PARL: variants seen among roughly 807,000 people sequenced by gnomAD.
The protein encoded by PARL is presenilin associated rhomboid like, also known as presenilin-associated rhomboid-like protein, mitochondrial.
Under a neutral mutation model 51.6 loss-of-function variants are expected in PARL, and 44 were observed. The observed-to-expected ratio is 0.85, with a 90% CI of 0.67 to 1.10. PARL has a LOEUF of 1.10. PARL is among the 50% of genes least tolerant of loss of function. The pLI, the probability that PARL is intolerant of heterozygous loss-of-function variation, is 0.00. For missense variants in PARL, 441 were observed against 469.5 expected, an observed-to-expected ratio of 0.94 and a Z score of 0.56; for synonymous variants, 172 against 164.0, an observed-to-expected ratio of 1.05 and a Z score of -0.37.
chr3:183,867,669 C>T (rs1446320842), intron 2 of PARL, among the ~76,000 whole-genome samples, 196 bp downstream of exon 2: 1 of 149,418 alleles, frequency 6.7e-6, no homozygotes, highest in Non-Finnish European at 1.5e-5. Flanking sequence ...CACTGCACTC[C>T]AACCTGGGCG....
Position 183,867,957 on chromosome 3 carries a change from T to C in PARL, c.229A>G (p.Ser77Gly). The change falls in exon 2 of 10, where the codon AGT becomes GGT. Residue 77 changes from serine (S) to glycine (G), a missense_variant. By Grantham distance (56) the Ser-to-Gly change is moderately conservative (BLOSUM62 0). Coordinates refer to ENST00000317096, the MANE Select transcript of PARL (RefSeq NM_018622.7). Reference sequence around the variant, plus strand: ...TCTTCCACAGGAGGAATCAAAGCACTTCTCTTGTATGCTTCACCACTTGTC... The same window carrying C: ...TCTTCCACAGGAGGAATCAAAGCACCTCTCTTGTATGCTTCACCACTTGTC... ...PGTSGEAYKRSALIPPVEETV... is the reference protein window; with the variant it reads ...PGTSGEAYKRGALIPPVEETV... 6.2e-7 allele frequency: 1 copy of C among 1,613,888 alleles called. No individual in the cohort carries two copies. Among genetic ancestry groups the C allele is most frequent in the Non-Finnish European group, 8.5e-7 (1 of 1,179,760 alleles).
chr3:183,851,774 T>C (rs556757323), intron 4 of PARL, among the ~76,000 whole-genome samples: 4 of 152,124 alleles, frequency 2.6e-5, no homozygotes, highest in Non-Finnish European at 4.4e-5. Context: ...AAATACTCAA[T>C]AAGCACATGA....
At chr3:183,832,808 A>T (rs921110102) in intron 9 of PARL, among the ~76,000 whole-genome samples, 6 of 152,198 alleles carry the variant, frequency 3.9e-5, no homozygotes, top group Admixed American at 3.9e-4. Flanking sequence ...CCAAGGAAGC[A>T]GTTTAGCAAC....
chr3:183,843,982 T>G (rs185379595), intron 5 of PARL, among the ~76,000 whole-genome samples: 1 of 152,232 alleles, frequency 6.6e-6, no homozygotes, highest in East Asian at 1.9e-4. Flanking sequence ...GAGGTTGTAG[T>G]GAGCTAAGAC....
At chr3:183,880,867 G>A (rs572977367) in intron 1 of PARL, among the ~76,000 whole-genome samples, 1 of 152,208 alleles carries the variant, frequency 6.6e-6, no homozygotes, top group East Asian at 1.9e-4. Flanking sequence ...TCAGGCTGGA[G>A]GACAGTGGCG....
chr3:183,882,271 A>C (rs183324073), intron 1 of PARL, among the ~76,000 whole-genome samples: 1 of 101,768 alleles, frequency 9.8e-6, no homozygotes, highest in African/African-American at 3.5e-5. Context: ...ATATATATTT[A>C]TATATATATA....
chr3:183,826,630 C>CA (rs912808109), downstream of PARL: 16 of 985,272 alleles, frequency 1.6e-5, 1 homozygote, highest in African/African-American at 2.6e-4. Flanking sequence ...GAAGTTGTAG[C>CA]AAAGTGACAT....
chr3:183,841,787 T>C (rs1729342119), intron 6 of PARL, among the ~76,000 whole-genome samples: 2 of 152,166 alleles, frequency 1.3e-5, no homozygotes, highest in Non-Finnish European at 2.9e-5. Flanking sequence ...AGTGGTTCCC[T>C]GCTACATTCT....
intron 1 of PARL, among the ~76,000 whole-genome samples, chr3:183,880,099 C>A (rs568613135): frequency 1.6e-4 from 25 of 152,166 alleles, no homozygotes; most frequent in Admixed American, 1.4e-3. Context: ...CAAATGTTTG[C>A]TATCTTATTC....
chr3:183,849,273 T>G (rs1343319599), intron 4 of PARL, among the ~76,000 whole-genome samples: 2 of 152,216 alleles, frequency 1.3e-5, no homozygotes, highest in African/African-American at 4.8e-5. Flanking sequence ...CCAGGATATG[T>G]TCAGTCACAA....
At chr3:183,878,854 A>T (rs1734131863) in intron 1 of PARL, among the ~76,000 whole-genome samples, 1 of 152,220 alleles carries the variant, frequency 6.6e-6, no homozygotes, top group African/African-American at 2.4e-5. Flanking sequence ...TCACACGTTT[A>T]AAGAGTTGTT....
chr3:183,884,359 A>T (rs1464757475), intron 1 of PARL, among the ~76,000 whole-genome samples: 1 of 152,236 alleles, frequency 6.6e-6, no homozygotes, highest in South Asian at 2.1e-4. Context: ...AATTAGATGG[A>T]AAAAGAATAA....
chr3:183,862,683 G>T, intron 4 of PARL, 70 bp downstream of exon 4: 1 of 1,177,202 alleles, frequency 8.5e-7, no homozygotes, highest in Non-Finnish European at 1.3e-6. Context: ...GCCATTGCTT[G>T]TGACATACTG....
At chr3:183,862,149 CTG>C in intron 4 of PARL, among the ~76,000 whole-genome samples, 1 of 152,312 alleles carries the variant, frequency 6.6e-6, no homozygotes, top group African/African-American at 2.4e-5. Context: ...AGAGCCAAAT[CTG>C]TCTTTCCATA....
chr3:183,875,415 CA>C (rs61316689), intron 1 of PARL, among the ~76,000 whole-genome samples: 18 of 60,136 alleles, frequency 3.0e-4, no homozygotes, highest in South Asian at 2.3e-3. Context: ...ACTCTGTCTC[CA>C]AAAAAAAAAA....
chr3:183,840,183 T>C (rs59738182), intron 7 of PARL, among the ~76,000 whole-genome samples: 9,006 of 152,256 alleles, frequency 0.059, 916 homozygotes, highest in African/African-American at 0.21. Context: ...TAGCACCTAG[T>C]AGGCACTCCA....
At chr3:183,856,015 T>A (rs773302312) in intron 4 of PARL, among the ~76,000 whole-genome samples, 34 of 151,920 alleles carry the variant, frequency 2.2e-4, no homozygotes, top group Admixed American at 7.9e-4. Context: ...GTTTCACTTG[T>A]TCCCCTGCCG....
chr3:183,852,004 T>TA (rs1730599855), intron 4 of PARL, among the ~76,000 whole-genome samples: 1 of 151,788 alleles, frequency 6.6e-6, no homozygotes, highest in Non-Finnish European at 1.5e-5. Context: ...TACAGAAAAT[T>TA]AAAAAATTAG....
chr3:183,836,882 A>G (rs1399196988), intron 7 of PARL, among the ~76,000 whole-genome samples: 1 of 152,164 alleles, frequency 6.6e-6, no homozygotes, highest in Non-Finnish European at 1.5e-5. Context: ...TGGGACTAAC[A>G]GGTACACACC....
Sources: gnomAD v4.1 joint callset for allele counts (sites outside exome capture counted in the v4.1 genomes callset) on GRCh38, gnomAD v4.1.1 for gene constraint, MANE v1.5 for transcripts, NCBI Gene and HGNC (gene_info 2026-07-23, HGNC 2026-07-21) for gene names.